The following PCDHA1 variants were observed in gnomAD, a reference collection of about 807,000 sequenced individuals.
PCDHA1 encodes the protein protocadherin alpha 1.
A neutral mutation model predicts 61.3 loss-of-function variants in PCDHA1; 42 were observed. The ratio of observed to expected loss-of-function variants is 0.69; its 90% CI spans 0.54 to 0.89. The LOEUF (loss-of-function observed/expected upper bound fraction) is 0.89. PCDHA1 is among the 40% of genes least tolerant of loss of function. The pLI is 0.00. For missense variants in PCDHA1, 1,256 were observed against 1,235.3 expected (o/e 1.02, Z -0.25); for synonymous variants, 610 against 553.8 (o/e 1.10, Z -1.43).
At chr5:140,860,381 A>C (rs550712376) in intron 1 of PCDHA1, 4 of 152,246 alleles carry the variant, frequency 2.6e-5, no homozygotes, top group African/African-American at 9.6e-5. Context: ...ACCCTATTTC[A>C]AAAATTGAAA....
intron 1 of PCDHA1, chr5:140,883,898 C>A (rs781898009): frequency 6.2e-7 from 1 of 1,613,344 alleles, no homozygotes; most frequent in South Asian, 1.1e-5. Flanking sequence ...TGGCGTGCCG[C>A]CTCTGGGCAG....
intron 1 of PCDHA1, among the ~76,000 whole-genome samples, chr5:140,827,731 T>G (rs1769378548): frequency 6.6e-6 from 1 of 152,264 alleles, no homozygotes; most frequent in Non-Finnish European, 1.5e-5. Context: ...GTTGTTTAGC[T>G]GTGAATAATT....
intron 1 of PCDHA1, chr5:140,816,909 T>C (rs1766022832): frequency 6.6e-6 from 1 of 152,122 alleles, no homozygotes; most frequent in Non-Finnish European, 1.5e-5. Context: ...AAGCCCTCAG[T>C]TATAGATTCT....
intron 1 of PCDHA1, among the ~76,000 whole-genome samples, chr5:140,806,491 G>T (rs2149990954): frequency 6.6e-6 from 1 of 152,242 alleles, no homozygotes; most frequent in South Asian, 2.1e-4. Flanking sequence ...GCCCTGACAT[G>T]ACTCAAGGAA....
intron 1 of PCDHA1, chr5:140,871,274 C>T (rs1554165360): frequency 6.2e-7 from 1 of 1,613,824 alleles, no homozygotes; most frequent in East Asian, 2.2e-5. Flanking sequence ...TGGTGGTCGG[C>T]AACGCCCACT....
At chr5:140,971,958 C>G (rs2096508715) in intron 1 of PCDHA1, among the ~76,000 whole-genome samples, 1 of 152,054 alleles carries the variant, frequency 6.6e-6, no homozygotes, top group Non-Finnish European at 1.5e-5. Context: ...ACTCCAAAAA[C>G]TTTTTTTCAA....
At chr5:140,920,023 C>T (rs1554199365) in intron 1 of PCDHA1, among the ~76,000 whole-genome samples, 1 of 152,096 alleles carries the variant, frequency 6.6e-6, no homozygotes, top group Non-Finnish European at 1.5e-5. Flanking sequence ...AAGATGGAGA[C>T]AGAGATTGGA....
chr5:140,842,750 G>A, intron 1 of PCDHA1: 1 of 1,595,036 alleles, frequency 6.3e-7, no homozygotes, highest in Non-Finnish European at 8.6e-7. Context: ...CATCTTCACG[G>A]TGTCTGCGCG....
chr5:140,971,161 C>T (rs189213416), intron 1 of PCDHA1, among the ~76,000 whole-genome samples: 1 of 152,292 alleles, frequency 6.6e-6, no homozygotes, highest in Non-Finnish European at 1.5e-5. Flanking sequence ...CCAGGCTCAG[C>T]TTTGCCACCA....
chr5:141,009,174 G>A (rs1281128951), intron 3 of PCDHA1, among the ~76,000 whole-genome samples: 1 of 152,228 alleles, frequency 6.6e-6, no homozygotes, highest in African/African-American at 2.4e-5. Flanking sequence ...ACTGGCCTTG[G>A]CTGGGTGTGG....
At chr5:140,959,544 T>C (rs2095494180) in intron 1 of PCDHA1, among the ~76,000 whole-genome samples, 1 of 152,208 alleles carries the variant, frequency 6.6e-6, no homozygotes, top group Non-Finnish European at 1.5e-5. Context: ...AGAGATGCTG[T>C]ATAAATAGAA....
chr5:140,951,520 A>G (rs904780831), intron 1 of PCDHA1, among the ~76,000 whole-genome samples: 6 of 151,972 alleles, frequency 3.9e-5, no homozygotes, highest in Admixed American at 2.0e-4. Context: ...CTCATCTTAC[A>G]TGGCCGGTGC....
Position 140,842,830 on chromosome 5 carries a change from G to C in PCDHA1, c.2394+54146G>C. On this transcript the variant is annotated intron_variant, in intron 1 of 3. Transcript: ENST00000504120. Reference sequence around the variant, plus strand: ...TGGAGCGGCGGGTGGGCGAGCGCTCGCTGTCGAGCTACATTTCGGTGCACA... The same window carrying C: ...TGGAGCGGCGGGTGGGCGAGCGCTCCCTGTCGAGCTACATTTCGGTGCACA... 2.4e-5 allele frequency: 39 copies of C among 1,593,780 alleles called. 3 individuals carry two copies. The highest frequency in any genetic ancestry group is 3.2e-5 in the Non-Finnish European group (37 of 1,165,316).
intron 1 of PCDHA1, chr5:140,862,442 C>A: frequency 2.8e-6 from 1 of 361,562 alleles, no homozygotes. Flanking sequence ...CGTTGGTACT[C>A]CACAGCGCCC....
intron 1 of PCDHA1, chr5:140,856,123 G>A (rs782708607): frequency 6.3e-7 from 1 of 1,598,078 alleles, no homozygotes; most frequent in African/African-American, 1.3e-5. Flanking sequence ...CCTGGGAGGT[G>A]GGGAGCGGCC....
intron 1 of PCDHA1, chr5:140,829,583 C>A (rs1770403312): frequency 6.2e-7 from 1 of 1,612,242 alleles, no homozygotes; most frequent in South Asian, 1.1e-5. Context: ...GGTGGAGCGG[C>A]GGGTGGGCGA....
At chr5:140,966,185 GA>G (rs1378285647) in intron 1 of PCDHA1, 4 of 197,798 alleles carry the variant, frequency 2.0e-5, no homozygotes, top group Non-Finnish European at 4.0e-5. Context: ...CTGATAGCCA[GA>G]CTTCTAGGGG....
At chr5:140,869,718 T>A (rs1228223839) in intron 1 of PCDHA1, 19 of 1,613,290 alleles carry the variant, frequency 1.2e-5, no homozygotes, top group Non-Finnish European at 1.2e-5. Flanking sequence ...GAGAGAAAAC[T>A]CCGGAACTTA....
At chr5:140,962,928 A>G (rs1447478531) in intron 1 of PCDHA1, among the ~76,000 whole-genome samples, 5 of 152,186 alleles carry the variant, frequency 3.3e-5, no homozygotes, top group African/African-American at 1.2e-4. Flanking sequence ...GATACTTCTC[A>G]ACCTCCTCTC....
Sources: gnomAD v4.1 joint callset for allele counts (sites outside exome capture counted in the v4.1 genomes callset) on GRCh38, gnomAD v4.1.1 for gene constraint, MANE v1.5 for transcripts, NCBI Gene and HGNC (gene_info 2026-07-23, HGNC 2026-07-21) for gene names.